KIF3C: variants seen among roughly 807,000 people sequenced by gnomAD.
KIF3C encodes the protein kinesin family member 3C.
Under a neutral mutation model 67.7 loss-of-function variants are expected in KIF3C, and 12 were observed. The ratio of observed to expected loss-of-function variants is 0.18; its 90% CI spans 0.11 to 0.29. KIF3C has a LOEUF of 0.29. KIF3C is among the 10% of genes least tolerant of loss of function. The pLI, the probability that KIF3C is intolerant of heterozygous loss-of-function variation, is 1.00. For missense variants in KIF3C, 789 were observed against 1,059.6 expected (o/e 0.74, Z 3.55); for synonymous variants, 393 against 426.2 (o/e 0.92, Z 0.96).
chr2:25,967,357 T>C (rs1190541998), intron 1 of KIF3C, among the ~76,000 whole-genome samples: 2 of 152,160 alleles, frequency 1.3e-5, no homozygotes, highest in Non-Finnish European at 2.9e-5. Flanking sequence ...TGGAATGATA[T>C]AAAGGTGGCT....
chr2:25,946,578 C>T (rs1254123849), intron 5 of KIF3C, among the ~76,000 whole-genome samples: 1 of 152,122 alleles, frequency 6.6e-6, no homozygotes, highest in African/African-American at 2.4e-5. Context: ...ATCCCGGTTA[C>T]TCAGGAGGCT....
chr2:25,972,609 A>C (rs1203121171), intron 1 of KIF3C, among the ~76,000 whole-genome samples: 1 of 152,130 alleles, frequency 6.6e-6, no homozygotes, highest in Non-Finnish European at 1.5e-5. Flanking sequence ...CACAAATCTC[A>C]GAGTGTCTAG....
At chr2:25,943,545 T>TA (rs950121252) in intron 5 of KIF3C, among the ~76,000 whole-genome samples, 90 of 152,306 alleles carry the variant, frequency 5.9e-4, no homozygotes, top group African/African-American at 2.1e-3. Context: ...TTGTTTCATA[T>TA]AAAAAATCCT....
At chr2:25,969,866 C>T (rs1198098178) in intron 1 of KIF3C, among the ~76,000 whole-genome samples, 1 of 152,174 alleles carries the variant, frequency 6.6e-6, no homozygotes, top group Non-Finnish European at 1.5e-5. Context: ...CAGGCACACG[C>T]CACCATGCCC....
chr2:25,931,987 TTG>T (rs1349390168), intron 5 of KIF3C, among the ~76,000 whole-genome samples: 1 of 149,080 alleles, frequency 6.7e-6, no homozygotes, highest in Non-Finnish European at 1.5e-5. Flanking sequence ...TCATTGTGTG[TTG>T]TTTCTTCTGT....
intron 5 of KIF3C, among the ~76,000 whole-genome samples, chr2:25,930,799 G>A (rs1319843050): frequency 6.6e-6 from 1 of 151,866 alleles, no homozygotes; most frequent in East Asian, 1.9e-4. Context: ...TCAACCTCCC[G>A]ATGTACTGGA....
intron 5 of KIF3C, 69 bp downstream of exon 5, chr2:25,951,720 C>T: frequency 2.0e-6 from 2 of 1,019,060 alleles, no homozygotes; most frequent in Non-Finnish European, 3.1e-6. Context: ...GGCCTCAGGC[C>T]CCTCACCAGC....
intron 5 of KIF3C, among the ~76,000 whole-genome samples, chr2:25,932,899 A>G (rs2090474160): frequency 6.6e-6 from 1 of 151,982 alleles, no homozygotes; most frequent in Admixed American, 6.6e-5. Flanking sequence ...ACAAAGCTAT[A>G]GTAACCAAGA....
chr2:25,963,016 A>G (rs1400644264), intron 1 of KIF3C, among the ~76,000 whole-genome samples: 1 of 36,062 alleles, frequency 2.8e-5, no homozygotes, highest in African/African-American at 2.0e-4. Context: ...TATATAATAT[A>G]TATAATATAT....
intron 5 of KIF3C, among the ~76,000 whole-genome samples, chr2:25,949,537 C>T (rs895976778): frequency 1.3e-5 from 2 of 152,012 alleles, no homozygotes; most frequent in African/African-American, 4.8e-5. Flanking sequence ...GAGTGAGACC[C>T]TGTCTCAAAC....
intron 1 of KIF3C, among the ~76,000 whole-genome samples, chr2:25,961,813 AG>A (rs1411957844): frequency 6.6e-6 from 1 of 152,132 alleles, no homozygotes; most frequent in Admixed American, 6.6e-5. Context: ...GGCCGGGCGC[AG>A]TGGCTCAAGC....
rs558906069 is a variant in KIF3C at position 25,979,362 on chromosome 2, G to A, written c.1545+1011C>T. ...GGTCCTGACATCTCTCAGGGTTATG[G>A]GGAATTGGATATTAACTGTGATGAG... On this transcript the variant is annotated intron_variant, in intron 1 of 7. Transcript: ENST00000264712. 1.5e-3 allele frequency among the ~76,000 whole-genome samples: 222 copies of A among 152,298 alleles called. 8 individuals are homozygous for A. In the South Asian group the frequency reaches 0.043, roughly 30 times the overall value.
chr2:25,950,305 C>T (rs959287792), intron 5 of KIF3C, among the ~76,000 whole-genome samples: 1 of 151,694 alleles, frequency 6.6e-6, no homozygotes, highest in Non-Finnish European at 1.5e-5. Context: ...GCAACCTCCA[C>T]CTCCCGAGTT....
chr2:25,934,269 T>C (rs966280374), intron 5 of KIF3C: 2 of 437,316 alleles, frequency 4.6e-6, no homozygotes, highest in South Asian at 3.4e-5. Context: ...GGGTTTCTTT[T>C]TGGAGTGATG....
rs551128034 is a variant in KIF3C at position 25,972,815 on chromosome 2, C to T, written c.1545+7558G>A. 2.0e-5 allele frequency among the ~76,000 whole-genome samples: 3 copies of T among 152,270 alleles called. No individual in the cohort carries two copies. In the East Asian group the frequency reaches 5.8e-4, roughly 29 times the overall value. ...TCTTCTTCCCAAAAACCCTGTCGTC[C>T]ACAGCTTTACCCACTCTACCTCCCC... On this transcript the variant is annotated intron_variant, in intron 1 of 7. Coordinates refer to ENST00000264712, the MANE Select transcript of KIF3C (RefSeq NM_002254.8).
In KIF3C at chr2:25,980,864, T is replaced by C. The variant is rs1400849488; in HGVS notation, c.1054A>G (p.Ser352Gly). 2 of 1,614,018 alleles carry C rather than the reference T, an allele frequency of 1.2e-6. No individual in the cohort carries two copies. The highest frequency in any genetic ancestry group is 1.3e-5 in the African/African-American group (1 of 74,910). Residue 352 changes from serine (S) to glycine (G), a missense_variant, in exon 1 of 8, where the codon AGC becomes GGC. Physicochemically the swap from Ser to Gly is moderately conservative, Grantham distance 56. Around this residue, in one of 2 missense-constraint regions of KIF3C, gnomAD observed 648 missense variants for 807.8 expected, o/e 0.80. Coordinates refer to ENST00000264712, the MANE Select transcript of KIF3C (RefSeq NM_002254.8). The surrounding 1 kb of genome is among the most constrained non-coding windows in gnomAD (Gnocchi z 7.6). ...LGPASHSYDESLSTLRFANRA... is the reference protein window; with the variant it reads ...LGPASHSYDEGLSTLRFANRA... ...TTGGCAAAGCGCAAGGTGGAGAGGC[T>C]CTCATCGTAGCTGTGAGAAGCTGGC... is the stretch of plus-strand genomic sequence containing the variant.
At chr2:25,930,641 G>A (rs551551232) in intron 5 of KIF3C, among the ~76,000 whole-genome samples, 1 of 152,184 alleles carries the variant, frequency 6.6e-6, no homozygotes, top group Non-Finnish European at 1.5e-5. Context: ...GGGTTCAAGT[G>A]ATTCTTCTGT....
At chr2:25,931,916 G>T (rs2090462465) in intron 5 of KIF3C, among the ~76,000 whole-genome samples, 2 of 137,154 alleles carry the variant, frequency 1.5e-5, no homozygotes, top group South Asian at 4.9e-4. Flanking sequence ...TTACAGACGT[G>T]AATCACTGCA....
intron 1 of KIF3C, among the ~76,000 whole-genome samples, chr2:25,963,723 C>T (rs1483858001): frequency 6.7e-6 from 1 of 149,418 alleles, no homozygotes; most frequent in Admixed American, 6.7e-5. Context: ...GACAGAGTCT[C>T]ACTTCGTTGC....
Sources: gnomAD v4.1 joint callset for allele counts (sites outside exome capture counted in the v4.1 genomes callset) on GRCh38, gnomAD v4.1.1 for gene constraint, gnomAD v4.1.1 regional missense constraint, Gnocchi (gnomAD v3.1) non-coding constraint, MANE v1.5 for transcripts, NCBI Gene and HGNC (gene_info 2026-07-23, HGNC 2026-07-21) for gene names.